FRAS1: variants seen among roughly 807,000 people sequenced by gnomAD.
FRAS1 encodes Fraser extracellular matrix complex subunit 1.
In FRAS1, 290 loss-of-function variants were observed where a neutral mutation model predicts 435.2. The ratio of observed to expected loss-of-function variants is 0.67; its 90% CI spans 0.61 to 0.73. The LOEUF (loss-of-function observed/expected upper bound fraction) is 0.73. FRAS1 is among the 30% of genes least tolerant of loss of function. The pLI is 0.00. For missense variants in FRAS1, 4,860 were observed against 5,001.5 expected (o/e 0.97, Z 0.85); for synonymous variants, 1,800 against 1,851.0 (o/e 0.97, Z 0.71).
At chr4:78,267,454 A>T (rs1560614814) in intron 9 of FRAS1, 22 bp downstream of exon 9, 1 of 1,607,122 alleles carries the variant, frequency 6.2e-7, no homozygotes, top group Non-Finnish European at 8.5e-7. Context: ...GGGCATTTCC[A>T]TTTGGAACGT....
intron 70 of FRAS1, among the ~76,000 whole-genome samples, chr4:78,529,643 G>A (rs952740024): frequency 2.6e-5 from 4 of 152,122 alleles, no homozygotes; most frequent in Non-Finnish European, 4.4e-5. Flanking sequence ...GCCCCAGTGG[G>A]TGCCTGAAAC....
At chr4:78,435,467 G>A (rs957392607) in intron 38 of FRAS1, among the ~76,000 whole-genome samples, 5 of 152,114 alleles carry the variant, frequency 3.3e-5, no homozygotes, top group African/African-American at 9.7e-5. Flanking sequence ...AGCTGGGTGC[G>A]GTGGCTCATG....
intron 53 of FRAS1, 69 bp downstream of exon 53, chr4:78,473,666 A>G (rs762932674): frequency 3.1e-5 from 40 of 1,282,414 alleles, no homozygotes; most frequent in Non-Finnish European, 4.0e-5. Flanking sequence ...AGGATGAAGG[A>G]TGCTGGGGGG....
chr4:78,466,376 A>G lies in FRAS1; in HGVS notation c.7198A>G (p.Thr2400Ala). The stretch of plus-strand genomic sequence containing the variant: ...CAGTAACTCCCTCAAGGACCGGTTC[A>G]CCTTCACTGTTTCTGATGGGACAAA... ...DGSNSLKDRF[T>A]FTVSDGTNPF... The change falls in exon 50 of 74, where the codon ACC (threonine) becomes GCC (alanine). Residue 2400 changes from threonine to alanine, a missense_variant. Physicochemically the swap from Thr to Ala is moderately conservative, Grantham distance 58. Transcript: ENST00000512123. 6.2e-7 allele frequency: 1 copy of G among 1,613,992 alleles called. No homozygotes were observed. Among genetic ancestry groups the G allele is most frequent in the Non-Finnish European group, 8.5e-7 (1 of 1,179,858 alleles).
intron 2 of FRAS1, among the ~76,000 whole-genome samples, chr4:78,143,956 G>A (rs1282028372): frequency 3.4e-5 from 5 of 148,384 alleles, no homozygotes; most frequent in African/African-American, 1.2e-4. Context: ...TCTGAGCACT[G>A]AGAAATTAAG....
chr4:78,485,824 A>G (rs1163056345), intron 58 of FRAS1, among the ~76,000 whole-genome samples: 1 of 152,164 alleles, frequency 6.6e-6, no homozygotes, highest in Non-Finnish European at 1.5e-5. Flanking sequence ...GACTCTTCAC[A>G]TTTCAGTTTC....
chr4:78,277,923 T>C (rs1390130406), intron 9 of FRAS1, among the ~76,000 whole-genome samples: 1 of 152,038 alleles, frequency 6.6e-6, no homozygotes, highest in African/African-American at 2.4e-5. Context: ...ACCATTCTCC[T>C]GCCTCAGCCT....
At chr4:78,486,771 T>G (rs1452914113) in intron 58 of FRAS1, among the ~76,000 whole-genome samples, 1 of 151,932 alleles carries the variant, frequency 6.6e-6, no homozygotes, top group Non-Finnish European at 1.5e-5. Context: ...AAGGGAGGGA[T>G]TGTTTCTGGG....
rs35385181 is a variant in FRAS1 at position 78,425,100 on chromosome 4, GATAATAATA to G, written c.4711+703_4711+711del. Among the ~76,000 whole-genome samples the G allele has an allele frequency of 3.9e-3, 553 of 141,938 alleles. 3 individuals are homozygous for G. Among genetic ancestry groups the G allele is most frequent in the African/African-American group, 0.013 (518 of 39,320 alleles). The allele number at this position is 141,938 out of a possible 152,430, so 93.1% of individuals were successfully genotyped here. Reference sequence around the variant, plus strand: ...CCTGAATGCCTCATTCTTAAATGGGGATAATAATAATAATAATAATAATAATAATAAATA... The same window carrying G: ...CCTGAATGCCTCATTCTTAAATGGGGATAATAATAATAATAATAATAAATA... On this transcript the variant is annotated intron_variant, in intron 35 of 73. Coordinates refer to ENST00000512123, the MANE Select transcript of FRAS1 (RefSeq NM_025074.7).
chr4:78,271,451 C>A (rs1726677140), intron 9 of FRAS1, among the ~76,000 whole-genome samples: 1 of 152,036 alleles, frequency 6.6e-6, no homozygotes, highest in Non-Finnish European at 1.5e-5. Context: ...TCTCCTAATG[C>A]TATCCCTCCC....
chr4:78,424,836 A>G (rs1733936485), intron 35 of FRAS1, among the ~76,000 whole-genome samples: 1 of 151,994 alleles, frequency 6.6e-6, no homozygotes, highest in African/African-American at 2.4e-5. Context: ...CTAGCTACTC[A>G]GGAGGATCCC....
chr4:78,337,253 G>A (rs1163528413), intron 19 of FRAS1, among the ~76,000 whole-genome samples: 1 of 152,164 alleles, frequency 6.6e-6, no homozygotes, highest in African/African-American at 2.4e-5. Flanking sequence ...CCCCTCATCT[G>A]CTAGAAATTT....
intron 64 of FRAS1, among the ~76,000 whole-genome samples, chr4:78,511,734 G>T (rs557399671): frequency 6.6e-6 from 1 of 152,300 alleles, no homozygotes; most frequent in South Asian, 2.1e-4. Context: ...CCAACCACAA[G>T]GAATCATGAG....
At chr4:78,237,404 C>T in intron 2 of FRAS1, 106 bp from the exon 3 acceptor site, 1 of 744,622 alleles carries the variant, frequency 1.3e-6, no homozygotes, top group Non-Finnish European at 2.3e-6. Flanking sequence ...TGTGACTTTT[C>T]TTTGTCTTGT....
intron 53 of FRAS1, among the ~76,000 whole-genome samples, chr4:78,474,256 A>C (rs1719797598): frequency 6.6e-6 from 1 of 152,214 alleles, no homozygotes; most frequent in Non-Finnish European, 1.5e-5. Context: ...AAACAGAGAG[A>C]TACTGATTGT....
intron 30 of FRAS1, among the ~76,000 whole-genome samples, chr4:78,404,766 A>G (rs1341434833): frequency 2.0e-5 from 3 of 151,996 alleles, no homozygotes; most frequent in Non-Finnish European, 2.9e-5. Flanking sequence ...TCTCCTCTGG[A>G]TTTGTCAGTA....
At position 78,543,142 on chromosome 4, in the gene FRAS1, T is replaced by C. The variant is rs1456803870; in HGVS notation, c.*2018T>C. 1 of 152,188 alleles carries C rather than the reference T, an allele frequency of 6.6e-6. No homozygotes were observed. The highest frequency in any genetic ancestry group is 1.9e-4 in the East Asian group (1 of 5,200). 9.4% of individuals were successfully genotyped at this position (152,188 alleles called of 1,614,324 possible). ...TGGTCAGGTGCTACTTAAGACCAGC[T>C]TGGGCAATTCAGGGCAGAACTCCTG... On this transcript the variant is annotated 3_prime_UTR_variant, in exon 74 of 74. Coordinates refer to ENST00000512123, the MANE Select transcript of FRAS1 (RefSeq NM_025074.7).
chr4:78,078,050 G>A (rs1017458093), intron 2 of FRAS1, among the ~76,000 whole-genome samples: 7 of 151,986 alleles, frequency 4.6e-5, no homozygotes, highest in African/African-American at 1.7e-4. Flanking sequence ...TAACAAAAAT[G>A]GGCACTGCAA....
At chr4:78,335,403 C>G (rs1449874321) in intron 19 of FRAS1, among the ~76,000 whole-genome samples, 1 of 152,204 alleles carries the variant, frequency 6.6e-6, no homozygotes, top group Non-Finnish European at 1.5e-5. Context: ...TGTCAGCTGT[C>G]TTCTCCTGGA....
Sources: allele counts gnomAD v4.1 joint callset (sites outside exome capture counted in the v4.1 genomes callset), GRCh38; gene constraint gnomAD v4.1.1; transcripts MANE v1.5; gene names NCBI Gene and HGNC (gene_info 2026-07-23, HGNC 2026-07-21).